Variants in GBF1 observed in about 807,000 individuals in gnomAD.
GBF1 encodes Golgi-specific brefeldin A-resistance guanine nucleotide exchange factor 1.
A neutral mutation model predicts 210.5 loss-of-function variants in GBF1; 114 were observed. The ratio of observed to expected loss-of-function variants is 0.54; its 90% CI spans 0.47 to 0.63. GBF1 has a LOEUF of 0.63. Ranked by LOEUF, GBF1 falls within the 30% of genes least tolerant of loss-of-function variation. The pLI, the probability that GBF1 is intolerant of heterozygous loss-of-function variation, is 0.00. For missense variants in GBF1, 1,851 were observed against 2,357.7 expected (o/e 0.79, Z 4.45); for synonymous variants, 850 against 889.2 (o/e 0.96, Z 0.78).
intron 20 of GBF1, 102 bp from the exon 21 acceptor site, chr10:102,367,376 C>T (rs1170412874): frequency 9.7e-6 from 11 of 1,137,966 alleles, no homozygotes; most frequent in East Asian, 2.3e-5. Flanking sequence ...TGGGTTTTTT[C>T]GCTTACCTTT....
chr10:102,245,851 G>A (rs756412333), intron 1 of GBF1, 70 bp downstream of exon 1: 2 of 152,230 alleles, frequency 1.3e-5, no homozygotes, highest in African/African-American at 4.8e-5. Context: ...GGGAATTAGT[G>A]GGAAGGGCCC....
chr10:102,325,643 G>A (rs2056836600), intron 3 of GBF1, among the ~76,000 whole-genome samples: 1 of 151,156 alleles, frequency 6.6e-6, no homozygotes, highest in Admixed American at 6.6e-5. Context: ...ACTTACAAAA[G>A]TTTTTTTTGT....
At chr10:102,331,400 A>G (rs1160512787) in intron 3 of GBF1, among the ~76,000 whole-genome samples, 2 of 152,082 alleles carry the variant, frequency 1.3e-5, no homozygotes, top group Non-Finnish European at 2.9e-5. Context: ...TGGGGTTTTC[A>G]GACTTTAAAT....
intron 3 of GBF1, among the ~76,000 whole-genome samples, chr10:102,285,040 A>G (rs2075823853): frequency 6.6e-6 from 1 of 152,214 alleles, no homozygotes. Context: ...CTCTCCTGAA[A>G]TAACTGGATG....
intron 3 of GBF1, among the ~76,000 whole-genome samples, chr10:102,273,917 G>A (rs2074669185): frequency 2.0e-5 from 3 of 152,190 alleles, no homozygotes; most frequent in African/African-American, 7.2e-5. Context: ...ATGCTATACA[G>A]ATTGTTTAGA....
chr10:102,294,234 T>C (rs2076720636), intron 3 of GBF1, among the ~76,000 whole-genome samples: 1 of 152,126 alleles, frequency 6.6e-6, no homozygotes, highest in Non-Finnish European at 1.5e-5. Context: ...GCATAGTGTT[T>C]ATAAAGTTTG....
chr10:102,250,586 C>T (rs866902947), intron 1 of GBF1, among the ~76,000 whole-genome samples: 1 of 150,416 alleles, frequency 6.6e-6, no homozygotes, highest in Non-Finnish European at 1.5e-5. Context: ...TGAGCTCAAC[C>T]ATTCCTCCTG....
intron 3 of GBF1, among the ~76,000 whole-genome samples, chr10:102,280,639 G>A (rs80036139): frequency 0.01 from 1,562 of 152,294 alleles, 22 homozygotes; most frequent in African/African-American, 0.036. Flanking sequence ...TGTCTCCCCA[G>A]TCACTTCCAA....
intron 3 of GBF1, among the ~76,000 whole-genome samples, chr10:102,335,285 C>T (rs1016902019): frequency 1.3e-5 from 2 of 152,162 alleles, no homozygotes; most frequent in Non-Finnish European, 2.9e-5. Flanking sequence ...ACCTTCAGAG[C>T]ACCTCTCTAC....
At chr10:102,359,841 A>G (rs1005819492) in intron 11 of GBF1, among the ~76,000 whole-genome samples, 6 of 145,078 alleles carry the variant, frequency 4.1e-5, no homozygotes, top group Non-Finnish European at 8.9e-5. Context: ...ACAGCTCACT[A>G]TATCCTCGAC....
the GBF1 span, chr10:102,231,210 G>A: frequency 9.1e-7 from 1 of 1,095,204 alleles, no homozygotes; most frequent in Non-Finnish European, 1.3e-6. Flanking sequence ...CAATAAACGA[G>A]ATGAGGTGGC....
intron 3 of GBF1, among the ~76,000 whole-genome samples, chr10:102,300,974 TTC>T (rs1471733257): frequency 1.2e-5 from 1 of 83,004 alleles, no homozygotes; most frequent in African/African-American, 5.7e-5. Flanking sequence ...GTATTTTCTT[TTC>T]TTTTTTTTTT....
rs2059927501 is a variant in GBF1 at position 102,366,631 on chromosome 10, G to T, written c.2433+125G>T. ...AGACAGAGTCTCGCTCTGTCACCCA[G>T]GCTGGAGTGCAGTAGCGCAGTCTCA... On this transcript the variant is annotated intron_variant, in intron 19 of 39. Transcript: ENST00000369983. This position sits in a 1 kb window ranked among gnomAD's most constrained non-coding sequence, Gnocchi z 4.0. 1.1e-6 allele frequency: 1 copy of T among 871,558 alleles called. No homozygotes were observed. Among genetic ancestry groups the T allele is most frequent in the African/African-American group, 1.8e-5 (1 of 56,118 alleles). The allele number at this position is 871,558 out of a possible 1,614,324, so 54.0% of individuals were successfully genotyped here.
intron 39 of GBF1, 85 bp downstream of exon 39, chr10:102,381,340 C>T: frequency 7.1e-7 from 1 of 1,410,076 alleles, no homozygotes; most frequent in Non-Finnish European, 9.9e-7. Flanking sequence ...GGGAATGCTG[C>T]TGAGCAGGGT....
At chr10:102,370,554 G>A (rs1409156722) in intron 28 of GBF1, 76 bp downstream of exon 28, 2 of 1,348,398 alleles carry the variant, frequency 1.5e-6, no homozygotes, top group African/African-American at 1.4e-5. Context: ...TTGCTGAGTG[G>A]GCTCTGGGGA....
chr10:102,358,248 A>G, intron 9 of GBF1, 62 bp downstream of exon 9: 2 of 1,475,194 alleles, frequency 1.4e-6, no homozygotes, highest in Non-Finnish European at 1.9e-6. Flanking sequence ...TCTCTTAGGG[A>G]TTTTGAAATT....
At position 102,369,843 on chromosome 10, in the gene GBF1, T is replaced by C. The variant is rs2060110192; in HGVS notation, c.3216-18T>C. The C allele has an allele frequency of 1.2e-6, 2 of 1,614,032 alleles. No individual in the cohort carries two copies. The highest frequency in any genetic ancestry group is 2.7e-5 in the African/African-American group (2 of 74,906). ...CAGAACTTTGGGGCTCACCAGGCCATGTGCCCTTTTTCTACAGAGGAGAGT... is the reference window on the plus strand; with the variant it reads ...CAGAACTTTGGGGCTCACCAGGCCACGTGCCCTTTTTCTACAGAGGAGAGT... On this transcript the variant is annotated intron_variant, in intron 25 of 39. Transcript: ENST00000369983.
intron 4 of GBF1, among the ~76,000 whole-genome samples, chr10:102,348,327 T>C (rs2058715112): frequency 6.6e-6 from 1 of 152,148 alleles, no homozygotes; most frequent in Admixed American, 6.6e-5. Context: ...TTAAACCCCA[T>C]TAATGGAGTC....
chr10:102,276,491 A>G (rs1034842785), intron 3 of GBF1, among the ~76,000 whole-genome samples: 2 of 147,996 alleles, frequency 1.4e-5, no homozygotes, highest in Non-Finnish European at 3.0e-5. Flanking sequence ...GCACCACTGC[A>G]CTCCAGCCTG....
Sources: allele counts gnomAD v4.1 joint callset (sites outside exome capture counted in the v4.1 genomes callset), GRCh38; gene constraint gnomAD v4.1.1; non-coding constraint Gnocchi (gnomAD v3.1); transcripts MANE v1.5; gene names NCBI Gene and HGNC (gene_info 2026-07-23, HGNC 2026-07-21).